Variants in PRDM16 observed in about 807,000 individuals in gnomAD.
PRDM16 encodes the protein PR/SET domain 16.
A neutral mutation model predicts 110.6 loss-of-function variants in PRDM16; 23 were observed. The ratio of observed to expected loss-of-function variants is 0.21; its 90% confidence interval spans 0.15 to 0.29. The LOEUF is 0.29. Ranked by LOEUF, PRDM16 falls within the 10% of genes least tolerant of loss-of-function variation. PRDM16 has a pLI of 1.00. For synonymous variants in PRDM16, 799 were observed against 781.8 expected (o/e 1.02, Z -0.37); for missense variants, 1,615 against 1,794.3 (o/e 0.90, Z 1.81).
chr1:3,247,060 G>A (rs1434424797), intron 3 of PRDM16, among the ~76,000 whole-genome samples: 1 of 152,102 alleles, frequency 6.6e-6, no homozygotes, highest in Non-Finnish European at 1.5e-5. Flanking sequence ...TTCCTTATAG[G>A]ATGAGAACTC....
chr1:3,341,065 C>CCTGAGCCCTCGTTTCTCCCCCT (rs1389254909), intron 3 of PRDM16, among the ~76,000 whole-genome samples: 50 of 146,852 alleles, frequency 3.4e-4, no homozygotes, highest in East Asian at 5.8e-4. Flanking sequence ...GTTGCTGCCC[C>CCTGAGCCCTCGTTTCTCCCCCT]CTGAGCCCTC....
At chr1:3,123,044 T>C (rs900040826) in intron 1 of PRDM16, among the ~76,000 whole-genome samples, 13 of 152,134 alleles carry the variant, frequency 8.5e-5, no homozygotes, top group African/African-American at 2.9e-4. Context: ...CACCAGGTCC[T>C]GGATGAGAAG....
At chr1:3,223,386 G>C (rs1296048517) in intron 2 of PRDM16, among the ~76,000 whole-genome samples, 1 of 152,090 alleles carries the variant, frequency 6.6e-6, no homozygotes, top group Non-Finnish European at 1.5e-5. Context: ...ATGAGCCGAA[G>C]TTCATCTTTT....
At chr1:3,287,445 G>A (rs111336362) in intron 3 of PRDM16, among the ~76,000 whole-genome samples, 3 of 76,808 alleles carry the variant, frequency 3.9e-5, no homozygotes, top group African/African-American at 1.3e-4. Flanking sequence ...TGCATTTACC[G>A]GGGCTGGAGC....
intron 12 of PRDM16, among the ~76,000 whole-genome samples, chr1:3,424,207 C>G (rs1420106580): frequency 6.6e-6 from 1 of 152,232 alleles, no homozygotes; most frequent in African/African-American, 2.4e-5. Flanking sequence ...CCCCAGCTCC[C>G]CCTCTTCGTT....
chr1:3,214,896 C>G (rs1437621238), intron 2 of PRDM16, among the ~76,000 whole-genome samples: 1 of 152,144 alleles, frequency 6.6e-6, no homozygotes, highest in Non-Finnish European at 1.5e-5. Context: ...GACCTTTTGG[C>G]TGGGCAGGGC....
At chr1:3,287,264 G>T (rs967837368) in intron 3 of PRDM16, among the ~76,000 whole-genome samples, 1 of 150,534 alleles carries the variant, frequency 6.6e-6, no homozygotes. Flanking sequence ...ACCGGGGCTG[G>T]AGGCGCCCCG....
rs35439737 is a variant in PRDM16 at position 3,436,199 on chromosome 1, CTT to C, written c.*2399_*2400del. The C allele has an allele frequency of 0.036, 7,021 of 194,354 alleles. 14 individuals carry two copies. The highest frequency in any genetic ancestry group is 0.079 in the Middle Eastern group (44 of 560). 12.0% of individuals were successfully genotyped at this position (194,354 alleles called of 1,614,324 possible). A position where few individuals can be genotyped will look rare whatever the true frequency, so the allele number is the denominator to read the frequency against. On this transcript the variant is annotated 3_prime_UTR_variant, in exon 17 of 17. Transcript: ENST00000270722. The stretch of plus-strand genomic sequence containing the variant: ...CTTCTGCGAAAGAGTAAGGTGTGTG[CTT>C]TTTTTTTTTTGCAATATGACCCCGT...
intron 3 of PRDM16, among the ~76,000 whole-genome samples, chr1:3,334,252 C>T (rs761051743): frequency 8.5e-5 from 13 of 152,310 alleles, no homozygotes; most frequent in Admixed American, 6.5e-4. Context: ...AGCTTCCAGA[C>T]GATGAACTGC....
At chr1:3,394,683 C>T (rs1199834562) in intron 4 of PRDM16, among the ~76,000 whole-genome samples, 1 of 152,204 alleles carries the variant, frequency 6.6e-6, no homozygotes, top group Non-Finnish European at 1.5e-5. Flanking sequence ...ACTCAGCAGC[C>T]CCTTCCACTT....
chr1:3,205,506 G>A (rs142435829), intron 2 of PRDM16, among the ~76,000 whole-genome samples: 3 of 152,130 alleles, frequency 2.0e-5, no homozygotes, highest in Non-Finnish European at 4.4e-5. Context: ...AACCCAAAAG[G>A]CCAGGAAAAC....
At chr1:3,152,844 G>C (rs1210107406) in intron 1 of PRDM16, among the ~76,000 whole-genome samples, 1 of 152,190 alleles carries the variant, frequency 6.6e-6, no homozygotes, top group African/African-American at 2.4e-5. Context: ...GAGGGGTTTT[G>C]TCCAGAGGCT....
chr1:3,233,766 G>C (rs1639473825), intron 2 of PRDM16, among the ~76,000 whole-genome samples: 1 of 152,194 alleles, frequency 6.6e-6, no homozygotes, highest in Admixed American at 6.5e-5. Context: ...ATGGGTTTAT[G>C]GTGTGGATCG....
intron 12 of PRDM16, among the ~76,000 whole-genome samples, chr1:3,420,619 G>GT (rs530241755): frequency 0.011 from 1,602 of 152,352 alleles, 13 homozygotes; most frequent in Non-Finnish European, 0.016. Flanking sequence ...AAGCCCTGAG[G>GT]TAGGGAACGT....
intron 1 of PRDM16, among the ~76,000 whole-genome samples, chr1:3,114,355 TGCACACAC>T (rs201290470): frequency 0.019 from 2,116 of 108,670 alleles, 47 homozygotes; most frequent in African/African-American, 0.068. Context: ...CATGCACACA[TGCACACAC>T]GCACACACGC....
chr1:3,183,486 T>C (rs1036304552), intron 1 of PRDM16, among the ~76,000 whole-genome samples: 2 of 152,158 alleles, frequency 1.3e-5, no homozygotes, highest in African/African-American at 4.8e-5. Flanking sequence ...TCACCCACCC[T>C]TGAAAGAAGA....
In PRDM16 at chr1:3,125,292, G is replaced by A. The variant is rs542551460; in HGVS notation, c.37+55996G>A. On this transcript the variant is annotated intron_variant, in intron 1 of 16. Coordinates refer to ENST00000270722, the MANE Select transcript of PRDM16 (RefSeq NM_022114.4). ...CCCAGCCCCTGGGCTCTGGGCTGGA[G>A]AGGCCTCAGAGCTGGCCAGAGGAGG... 6.7e-4 allele frequency among the ~76,000 whole-genome samples: 102 copies of A among 152,376 alleles called. 1 individual carries two copies. Among genetic ancestry groups the A allele is most frequent in the Non-Finnish European group, 1.8e-4 (12 of 68,036 alleles).
intron 1 of PRDM16, among the ~76,000 whole-genome samples, chr1:3,149,579 G>T (rs993568965): frequency 6.6e-6 from 1 of 152,218 alleles, no homozygotes; most frequent in African/African-American, 2.4e-5. Flanking sequence ...CCAGCTGACG[G>T]AGGCCAGGAA....
intron 1 of PRDM16, among the ~76,000 whole-genome samples, chr1:3,105,670 C>G (rs1642635639): frequency 6.6e-6 from 1 of 152,244 alleles, no homozygotes; most frequent in Non-Finnish European, 1.5e-5. Flanking sequence ...CTTCAAAATG[C>G]ATTCCTCGGG....
Sources: allele counts gnomAD v4.1 joint callset (sites outside exome capture counted in the v4.1 genomes callset), GRCh38; gene constraint gnomAD v4.1.1; transcripts MANE v1.5; gene names NCBI Gene and HGNC (gene_info 2026-07-23, HGNC 2026-07-21).